EML2: variants seen among roughly 807,000 people sequenced by gnomAD.
The protein encoded by EML2 is echinoderm microtubule-associated protein-like 2.
EML2 carries 59 observed loss-of-function variants against 84.7 expected under a neutral mutation model. The observed-to-expected ratio is 0.70, with a 90% CI of 0.56 to 0.86. The LOEUF (loss-of-function observed/expected upper bound fraction) is 0.86, where lower values mean the gene tolerates loss of function less well. EML2 is among the 40% of genes least tolerant of loss of function. The pLI is 0.00. For synonymous variants in EML2, 352 were observed against 348.9 expected (o/e 1.01, Z -0.10); for missense variants, 818 against 855.6 (o/e 0.96, Z 0.55).
intron 6 of EML2, among the ~76,000 whole-genome samples, chr19:45,631,884 ATTTTTTTTTT>A (rs755529171): frequency 0.015 from 1,360 of 90,358 alleles, 38 homozygotes; most frequent in African/African-American, 0.052. Context: ...GCTAATTAGA[ATTTTTTTTTT>A]TTTTTTTTTT....
chr19:45,616,967 TG>T, intron 13 of EML2, 114 bp from the exon 14 acceptor site: 2 of 754,672 alleles, frequency 2.7e-6, no homozygotes, highest in South Asian at 3.0e-5. Context: ...TGACCTGGGC[TG>T]GGCACGGTGG....
intron 12 of EML2, among the ~76,000 whole-genome samples, chr19:45,618,461 C>T (rs958892374): frequency 2.6e-5 from 4 of 152,058 alleles, no homozygotes; most frequent in African/African-American, 9.7e-5. Flanking sequence ...TAGCTCTACA[C>T]TTGACTGTTG....
At chr19:45,641,471 T>G (rs1272833984), upstream of EML2, 1 of 652,396 alleles carries the variant, frequency 1.5e-6, no homozygotes, top group Non-Finnish European at 2.6e-6. Context: ...GACCTTCCAC[T>G]GTTACCGTGC....
chr19:45,645,340 C>A, upstream of EML2: 2 of 1,531,258 alleles, frequency 1.3e-6, no homozygotes, highest in Non-Finnish European at 1.7e-6. Flanking sequence ...GCTCCGCCAT[C>A]GCCCCACCAC....
rs1974020107 is a variant in EML2 at position 45,638,389 on chromosome 19, T to C, written c.179+116A>G. ...TGTTGCCCAGGCAGGTCTCAAACTC[T>C]TGGCCTCAAACGATCCTCCCAAAGT... On this transcript the variant is annotated intron_variant, in intron 3 of 18. Coordinates refer to ENST00000245925, the MANE Select transcript of EML2 (RefSeq NM_012155.4). The C allele has an allele frequency of 6.8e-6, 10 of 1,470,958 alleles. No individual in the cohort carries two copies. The South Asian group carries it at 6.9e-5, about 10-fold the overall frequency. 91.1% of individuals were successfully genotyped at this position (1,470,958 alleles called of 1,614,324 possible).
chr19:45,619,486 G>T, intron 11 of EML2: 1 of 217,074 alleles, frequency 4.6e-6, no homozygotes, highest in Non-Finnish European at 9.3e-6. Flanking sequence ...GGGTCAGACA[G>T]GCTGCACCCT....
At chr19:45,632,804 G>T in intron 6 of EML2, 57 bp downstream of exon 6, 1 of 1,459,480 alleles carries the variant, frequency 6.9e-7, no homozygotes, top group Non-Finnish European at 9.5e-7. Context: ...AAAGGTGCGG[G>T]CACTTGCCCT....
At chr19:45,641,980 C>T, upstream of EML2, 1 of 1,445,012 alleles carries the variant, frequency 6.9e-7, no homozygotes, top group Non-Finnish European at 9.1e-7. Context: ...CACCCACGCG[C>T]CGCGGGGGTC....
At chr19:45,641,601 C>A, upstream of EML2, 1 of 1,525,404 alleles carries the variant, frequency 6.6e-7, no homozygotes. Context: ...CCATTTCCTC[C>A]CTATCTCTTT....
At chr19:45,610,294 G>A (rs1970357228) in intron 18 of EML2, among the ~76,000 whole-genome samples, 1 of 152,186 alleles carries the variant, frequency 6.6e-6, no homozygotes, top group Non-Finnish European at 1.5e-5. Flanking sequence ...CTACTTCGGA[G>A]GCTGAGGCAG....
Position 45,633,151 on chromosome 19 carries a change from A to C in EML2, c.330-12T>G, listed in dbSNP as rs749357922. 1.2e-6 allele frequency: 2 copies of C among 1,605,660 alleles called. No individual in the cohort carries two copies. The highest frequency in any genetic ancestry group is 1.7e-6 in the Non-Finnish European group (2 of 1,176,346). Reference sequence around the variant, plus strand: ...GGTGGATGGCCAAGCTGCGGAAAGAAGGGACAGAGAGACCAGGGCTCAGTG... The same window carrying C: ...GGTGGATGGCCAAGCTGCGGAAAGACGGGACAGAGAGACCAGGGCTCAGTG... On this transcript the variant is annotated splice_polypyrimidine_tract_variant and intron_variant, in intron 4 of 18. Transcript: ENST00000245925.
In EML2 at chr19:45,632,884, A is replaced by C; in HGVS notation, c.487T>G (p.Cys163Gly). Residue 163 changes from cysteine (C) to glycine (G), a missense_variant, in exon 6 of 19, where the codon TGC becomes GGC. Transcript: ENST00000245925. The part of the protein sequence containing the change: ...LGLGVFDRAV[C>G]CVGFSKSNGG... Reference sequence around the variant, plus strand: ...ACAGATTTGGAGAAGCCCACACAGCACACGGCTCTGTCAAACACCCCCAAG... The same window carrying C: ...ACAGATTTGGAGAAGCCCACACAGCCCACGGCTCTGTCAAACACCCCCAAG... 6.2e-7 allele frequency: 1 copy of C among 1,614,118 alleles called. No individual in the cohort carries two copies. The highest frequency in any genetic ancestry group is 8.5e-7 in the Non-Finnish European group (1 of 1,179,966).
chr19:45,625,980 G>A (rs1013872042), intron 8 of EML2, among the ~76,000 whole-genome samples: 1 of 151,960 alleles, frequency 6.6e-6, no homozygotes, highest in Non-Finnish European at 1.5e-5. Context: ...GGGCTCAAGC[G>A]GTCCTCCCAC....
chr19:45,634,583 A>C, intron 3 of EML2, 112 bp from the exon 4 acceptor site: 5 of 792,044 alleles, frequency 6.3e-6, no homozygotes, highest in Non-Finnish European at 6.3e-6. Context: ...TTTTTTTGAG[A>C]TGGAGTCTCA....
At chr19:45,629,880 C>T (rs1972819069) in intron 7 of EML2, 71 bp downstream of exon 7, 1 of 1,228,784 alleles carries the variant, frequency 8.1e-7, no homozygotes, top group Non-Finnish European at 1.2e-6. Context: ...TGATTGCAGA[C>T]TCCTAACCAC....
rs765976610 is a variant in EML2 at position 45,624,757 on chromosome 19, G to A, written c.803C>T (p.Thr268Met). ...VTFLEGGDVVTGDSGGNLYVW... is the reference protein window; with the variant it reads ...VTFLEGGDVVMGDSGGNLYVW... ...ATAGAGGTTCCCCCCAGAGTCCCCC[G>A]TGACCACGTCGCCACCTTCCAAAAA... Residue 268 changes from threonine to methionine, a missense_variant, in exon 9 of 19, where the codon ACG (threonine) becomes ATG (methionine). Coordinates refer to ENST00000245925, the MANE Select transcript of EML2 (RefSeq NM_012155.4). 4.0e-5 allele frequency: 64 copies of A among 1,613,802 alleles called. No homozygotes were observed. The highest frequency in any genetic ancestry group is 4.7e-5 in the Non-Finnish European group (56 of 1,179,974).
At chr19:45,618,555 G>A (rs547822142) in intron 12 of EML2, among the ~76,000 whole-genome samples, 20 of 152,002 alleles carry the variant, frequency 1.3e-4, no homozygotes, top group East Asian at 5.8e-4. Flanking sequence ...GTTCGGTGTC[G>A]TCCTGGGCTC....
At chr19:45,619,370 C>CAA in intron 11 of EML2, 179 bp from the exon 12 acceptor site, 1 of 695,974 alleles carries the variant, frequency 1.4e-6, no homozygotes, top group Non-Finnish European at 2.2e-6. Flanking sequence ...AACCCATGCC[C>CAA]TGGTGTGTGA....
intron 8 of EML2, 77 bp from the exon 9 acceptor site, chr19:45,624,895 G>C: frequency 1.9e-6 from 2 of 1,066,130 alleles, no homozygotes; most frequent in Non-Finnish European, 2.8e-6. Context: ...TGTCACCCAG[G>C]ACCGTGGCCA....
Sources: gnomAD v4.1 joint callset for allele counts (sites outside exome capture counted in the v4.1 genomes callset) on GRCh38, gnomAD v4.1.1 for gene constraint, MANE v1.5 for transcripts, NCBI Gene and HGNC (gene_info 2026-07-23, HGNC 2026-07-21) for gene names.